NCAM2: variants seen among roughly 807,000 people sequenced by gnomAD.
The protein encoded by NCAM2 is N-CAM-2.
A neutral mutation model predicts 98.1 loss-of-function variants in NCAM2; 30 were observed. The observed-to-expected ratio is 0.31, with a 90% CI of 0.23 to 0.41. The LOEUF is 0.41. Ranked by LOEUF, NCAM2 falls within the 10% of genes least tolerant of loss-of-function variation. NCAM2 has a pLI of 1.00. For missense variants in NCAM2, 867 were observed against 1,005.8 expected (o/e 0.86, Z 1.87); for synonymous variants, 368 against 342.4 (o/e 1.07, Z -0.83).
chr21:21,196,935 A>G (rs2069025534), intron 1 of NCAM2, among the ~76,000 whole-genome samples: 1 of 151,950 alleles, frequency 6.6e-6, no homozygotes, highest in Admixed American at 6.6e-5. Flanking sequence ...TCGTTGTTTA[A>G]AAGTGTGGAG....
chr21:21,172,668 A>C (rs2068162141), intron 1 of NCAM2, among the ~76,000 whole-genome samples: 1 of 152,122 alleles, frequency 6.6e-6, no homozygotes, highest in African/African-American at 2.4e-5. Flanking sequence ...TTACTTACTA[A>C]ATGACACTAT....
At chr21:21,236,756 A>ATG (rs35816689) in intron 1 of NCAM2, among the ~76,000 whole-genome samples, 8,359 of 149,756 alleles carry the variant, frequency 0.056, 335 homozygotes, top group East Asian at 0.19. Flanking sequence ...ATCAGTACAT[A>ATG]TGTGTGTGTG....
At chr21:21,133,629 C>A (rs2066981464) in intron 1 of NCAM2, among the ~76,000 whole-genome samples, 1 of 152,200 alleles carries the variant, frequency 6.6e-6, no homozygotes, top group Non-Finnish European at 1.5e-5. Flanking sequence ...AAGGCACTCA[C>A]CCTCCATGAT....
intron 1 of NCAM2, among the ~76,000 whole-genome samples, chr21:21,272,934 T>TCACACACACACACACACACACA (rs61235726): frequency 0.029 from 3,615 of 124,770 alleles, 115 homozygotes; most frequent in African/African-American, 0.036. Context: ...GGACATGCAT[T>TCACACACACACACACACACACA]CACACACACA....
At chr21:21,022,932 C>A (rs564399804) in intron 1 of NCAM2, among the ~76,000 whole-genome samples, 1 of 151,952 alleles carries the variant, frequency 6.6e-6, no homozygotes, top group East Asian at 1.9e-4. Flanking sequence ...AAGAAGTCAA[C>A]CATTGTAAAC....
At chr21:21,508,504 G>C (rs1249490709) in intron 15 of NCAM2, among the ~76,000 whole-genome samples, 1 of 151,656 alleles carries the variant, frequency 6.6e-6, no homozygotes, top group East Asian at 1.9e-4. Flanking sequence ...TACATTTAGG[G>C]ATATGATAAT....
chr21:21,536,536 C>A (rs544895938), intron 17 of NCAM2, among the ~76,000 whole-genome samples: 2 of 151,928 alleles, frequency 1.3e-5, no homozygotes, highest in African/African-American at 4.8e-5. Flanking sequence ...GGATTACAGG[C>A]GCACGCTGCC....
At chr21:21,397,681 C>T (rs907707654) in intron 9 of NCAM2, among the ~76,000 whole-genome samples, 35 of 152,192 alleles carry the variant, frequency 2.3e-4, no homozygotes, top group Non-Finnish European at 3.2e-4. Flanking sequence ...CGCGACTGTG[C>T]GGCTGCACAT....
chr21:21,198,183 T>C (rs1382540446), intron 1 of NCAM2, among the ~76,000 whole-genome samples: 1 of 88,838 alleles, frequency 1.1e-5, no homozygotes, highest in Non-Finnish European at 2.3e-5. Flanking sequence ...ATGTAAAGTA[T>C]ATGTGTGTGT....
intron 1 of NCAM2, among the ~76,000 whole-genome samples, chr21:21,070,197 A>G (rs985672375): frequency 2.0e-5 from 3 of 151,788 alleles, no homozygotes; most frequent in African/African-American, 7.3e-5. Context: ...ATATCAAACA[A>G]TAAAACAAAA....
At chr21:21,147,225 G>T in intron 1 of NCAM2, 1 of 985,378 alleles carries the variant, frequency 1.0e-6, no homozygotes, top group Non-Finnish European at 1.2e-6. Context: ...GCAGTTCTTA[G>T]TCCGTACCCG....
Position 21,105,550 on chromosome 21 carries a change from G to A in NCAM2, c.55+106932G>A, listed in dbSNP as rs528843794. ...CTTGCAATCAACAAGAAAAATACAA[G>A]GCAAGTAAATAATGAATTTACTAAT... On this transcript the variant is annotated intron_variant, in intron 1 of 17. Transcript: ENST00000400546. Among the ~76,000 whole-genome samples the A allele has an allele frequency of 5.7e-4, 86 of 151,888 alleles. 1 individual carries two copies. In the South Asian group the frequency reaches 0.014, roughly 25 times the overall value.
At chr21:21,035,697 T>A (rs1354261899) in intron 1 of NCAM2, among the ~76,000 whole-genome samples, 5 of 152,186 alleles carry the variant, frequency 3.3e-5, no homozygotes, top group African/African-American at 1.2e-4. Context: ...TCAGAAACTG[T>A]ATTTAAGAGT....
chr21:21,271,067 A>T (rs1327705178), intron 1 of NCAM2, among the ~76,000 whole-genome samples: 8 of 152,008 alleles, frequency 5.3e-5, no homozygotes, highest in African/African-American at 1.7e-4. Flanking sequence ...TTCACATGTG[A>T]TATGTGTATG....
intron 1 of NCAM2, among the ~76,000 whole-genome samples, chr21:21,056,818 C>T (rs1046059451): frequency 1.3e-5 from 2 of 151,918 alleles, no homozygotes; most frequent in Admixed American, 6.6e-5. Context: ...GAGAAGGTCA[C>T]GGGAAGCCTG....
At chr21:21,393,288 C>A (rs1045455113) in intron 9 of NCAM2, among the ~76,000 whole-genome samples, 25 of 152,236 alleles carry the variant, frequency 1.6e-4, no homozygotes, top group Admixed American at 5.2e-4. Context: ...GTTCCCAATT[C>A]TGCTCCATTG....
chr21:21,111,557 C>T (rs553672216), intron 1 of NCAM2, among the ~76,000 whole-genome samples: 3 of 152,166 alleles, frequency 2.0e-5, no homozygotes, highest in East Asian at 1.9e-4. Context: ...AGAGAGAAGC[C>T]CACTGTGACA....
At chr21:21,411,023 T>C (rs1369187994) in intron 10 of NCAM2, among the ~76,000 whole-genome samples, 2 of 100,928 alleles carry the variant, frequency 2.0e-5, no homozygotes, top group African/African-American at 8.2e-5. Flanking sequence ...AAAATATATA[T>C]ATATATATAC....
intron 9 of NCAM2, among the ~76,000 whole-genome samples, chr21:21,409,969 TA>T (rs1331817802): frequency 9.9e-5 from 15 of 151,892 alleles, no homozygotes; most frequent in Non-Finnish European, 1.8e-4. Context: ...CCGTCTCTAC[TA>T]AAAATACAAA....
Sources: gnomAD v4.1 joint callset for allele counts (sites outside exome capture counted in the v4.1 genomes callset) on GRCh38, gnomAD v4.1.1 for gene constraint, MANE v1.5 for transcripts, NCBI Gene and HGNC (gene_info 2026-07-23, HGNC 2026-07-21) for gene names.